RUNX1T1: variants seen among roughly 807,000 people sequenced by gnomAD.
The protein encoded by RUNX1T1 is protein CBFA2T1.
RUNX1T1 carries 4 observed loss-of-function variants against 62.8 expected under a neutral mutation model. That is an observed-to-expected ratio of 0.06 (90% CI 0.03 to 0.15). The LOEUF is 0.15. Among genes scored for constraint, RUNX1T1 ranks in the 10% least tolerant of loss-of-function variants. The pLI is 1.00. For synonymous variants in RUNX1T1, 291 were observed against 286.0 expected (o/e 1.02, Z -0.18); for missense variants, 508 against 754.3 (o/e 0.67, Z 3.82).
At chr8:92,056,335 T>C (rs532630536) in intron 1 of RUNX1T1, among the ~76,000 whole-genome samples, 1 of 152,168 alleles carries the variant, frequency 6.6e-6, no homozygotes, top group African/African-American at 2.4e-5. Context: ...CCCTCCTACA[T>C]CCCTTCTTCC....
intron 1 of RUNX1T1, among the ~76,000 whole-genome samples, chr8:92,045,150 TAGGA>T (rs1430234918): frequency 1.3e-5 from 2 of 150,496 alleles, no homozygotes; most frequent in African/African-American, 4.9e-5. Flanking sequence ...AGAACACAAA[TAGGA>T]AGGATATAAA....
At chr8:92,101,791 G>A (rs1194892145), upstream of RUNX1T1, among the ~76,000 whole-genome samples, 4 of 152,286 alleles carry the variant, frequency 2.6e-5, no homozygotes, top group African/African-American at 9.6e-5. Context: ...AGCGCCTTGT[G>A]CTGACCTAGC....
chr8:91,980,214 TTTTAAACCCAATA>T (rs1361482013), intron 8 of RUNX1T1, among the ~76,000 whole-genome samples: 12 of 152,188 alleles, frequency 7.9e-5, no homozygotes, highest in Non-Finnish European at 1.5e-4. Context: ...AGTCCCATAT[TTTTAAACCCAATA>T]TAGTTAAGTA....
intron 1 of RUNX1T1, among the ~76,000 whole-genome samples, chr8:92,020,740 G>A (rs1823918747): frequency 6.6e-6 from 1 of 151,564 alleles, no homozygotes; most frequent in African/African-American, 2.4e-5. Context: ...GAAAACAAAT[G>A]TGGCATATAT....
At chr8:92,089,582 C>CCCT (rs1487702735) in intron 1 of RUNX1T1, among the ~76,000 whole-genome samples, 1 of 152,046 alleles carries the variant, frequency 6.6e-6, no homozygotes, top group African/African-American at 2.4e-5. Context: ...AGCCCCTAGC[C>CCCT]CCTCACTCCC....
At chr8:91,996,403 C>G (rs967950198) in intron 5 of RUNX1T1, among the ~76,000 whole-genome samples, 1 of 152,044 alleles carries the variant, frequency 6.6e-6, no homozygotes, top group East Asian at 1.9e-4. Flanking sequence ...GGGTTTCACC[C>G]TGTTAGCCAG....
At chr8:91,974,821 T>G (rs1187805274) in intron 9 of RUNX1T1, among the ~76,000 whole-genome samples, 1 of 152,210 alleles carries the variant, frequency 6.6e-6, no homozygotes, top group Admixed American at 6.5e-5. Flanking sequence ...TGCTATCAGA[T>G]TTTAAAGCTC....
intron 1 of RUNX1T1, among the ~76,000 whole-genome samples, chr8:92,060,549 A>ATGTGTGTGTGTGTGTG (rs1457607602): frequency 9.3e-6 from 1 of 107,050 alleles, no homozygotes; most frequent in Non-Finnish European, 2.1e-5. Context: ...ATATATATAT[A>ATGTGTGTGTGTGTGTG]TATATGTGTG....
At chr8:91,991,583 G>A in intron 6 of RUNX1T1, 56 bp downstream of exon 7, 1 of 1,543,132 alleles carries the variant, frequency 6.5e-7, no homozygotes, top group Middle Eastern at 1.9e-4. Flanking sequence ...AGAAATAATG[G>A]TGCAAGTCTT....
intron 1 of RUNX1T1, among the ~76,000 whole-genome samples, chr8:92,042,811 A>T (rs1338881168): frequency 6.6e-6 from 1 of 152,234 alleles, no homozygotes; most frequent in African/African-American, 2.4e-5. Flanking sequence ...CGCACACACA[A>T]AGGAAAAGAT....
intron 1 of RUNX1T1, among the ~76,000 whole-genome samples, chr8:92,021,230 G>A (rs1414268955): frequency 1.3e-5 from 2 of 152,182 alleles, no homozygotes; most frequent in African/African-American, 4.8e-5. Flanking sequence ...CAGGAAACAG[G>A]AAAGAAGAAG....
chr8:92,090,780 C>A (rs1836866796), intron 1 of RUNX1T1, among the ~76,000 whole-genome samples: 1 of 152,102 alleles, frequency 6.6e-6, no homozygotes, highest in South Asian at 2.1e-4. Flanking sequence ...TACGAAGAAA[C>A]CTCAATTTTC....
At chr8:92,062,483 A>G (rs1165628896) in intron 1 of RUNX1T1, 5 of 1,550,464 alleles carry the variant, frequency 3.2e-6, no homozygotes, top group Admixed American at 1.7e-5. Context: ...TTTTCCATGC[A>G]TAATAGAAAG....
At chr8:91,979,483 C>G (rs181956754) in intron 8 of RUNX1T1, among the ~76,000 whole-genome samples, 2 of 151,938 alleles carry the variant, frequency 1.3e-5, no homozygotes, top group African/African-American at 4.8e-5. Flanking sequence ...GACAGAAGAA[C>G]GTCTATGATA....
In RUNX1T1 at chr8:92,007,467, T is replaced by TA. The variant is rs111573829; in HGVS notation, c.478-2171dup. Among the ~76,000 whole-genome samples, 314 of 138,532 alleles carry TA rather than the reference T, an allele frequency of 2.3e-3. 1 individual carries two copies. Among genetic ancestry groups the TA allele is most frequent in the Middle Eastern group, 0.015 (4 of 260 alleles). The allele number at this position is 138,532 out of a possible 152,430, so 90.9% of individuals were successfully genotyped here. The stretch of plus-strand genomic sequence containing the variant: ...GCAACAGAGCGAGACTCAGTCTAAT[T>TA]AAAAAAAAAAAAAATCATTCTGAAG... On this transcript the variant is annotated intron_variant, in intron 4 of 10. Coordinates refer to ENST00000396218, the Ensembl canonical transcript of RUNX1T1.
intron 1 of RUNX1T1, among the ~76,000 whole-genome samples, chr8:92,030,301 G>T (rs1825987646): frequency 1.3e-5 from 2 of 152,126 alleles, no homozygotes; most frequent in Non-Finnish European, 2.9e-5. Context: ...AACACCTCCT[G>T]CCAGAGAGTA....
chr8:92,080,768 C>T (rs1286607944), intron 1 of RUNX1T1, among the ~76,000 whole-genome samples: 1 of 152,238 alleles, frequency 6.6e-6, no homozygotes, highest in African/African-American at 2.4e-5. Context: ...ACTGAGTAAA[C>T]AGGGAATAAC....
intron 2 of RUNX1T1, among the ~76,000 whole-genome samples, chr8:92,069,718 G>A (rs1272738563): frequency 6.6e-6 from 1 of 152,028 alleles, no homozygotes; most frequent in Non-Finnish European, 1.5e-5. Flanking sequence ...GTTTTACCAG[G>A]CAAAAGAGAA....
intron 1 of RUNX1T1, among the ~76,000 whole-genome samples, chr8:92,090,630 G>A (rs1308018706): frequency 6.6e-6 from 1 of 152,132 alleles, no homozygotes; most frequent in Non-Finnish European, 1.5e-5. Flanking sequence ...CCTAAGTGGG[G>A]GTGAAGAGGG....
Sources: gnomAD v4.1 joint callset for allele counts (sites outside exome capture counted in the v4.1 genomes callset) on GRCh38, gnomAD v4.1.1 for gene constraint, MANE v1.5 for transcripts, NCBI Gene and HGNC (gene_info 2026-07-23, HGNC 2026-07-21) for gene names.